The following BRINP3 variants were observed in gnomAD, a reference collection of about 807,000 sequenced individuals.
BRINP3 encodes BMP/retinoic acid-inducible neural-specific protein 3.
Under a neutral mutation model 71.0 loss-of-function variants are expected in BRINP3, and 19 were observed. That is an observed-to-expected ratio of 0.27 (90% CI 0.19 to 0.39). The LOEUF (loss-of-function observed/expected upper bound fraction) is 0.39. BRINP3 is among the 10% of genes least tolerant of loss of function. The pLI, the probability that BRINP3 is intolerant of heterozygous loss-of-function variation, is 1.00. For synonymous variants in BRINP3, 380 were observed against 337.7 expected (o/e 1.13, Z -1.37); for missense variants, 959 against 940.8 (o/e 1.02, Z -0.25).
At chr1:190,446,975 A>G (rs1675259250) in intron 2 of BRINP3, among the ~76,000 whole-genome samples, 1 of 151,960 alleles carries the variant, frequency 6.6e-6, no homozygotes, top group South Asian at 2.1e-4. Flanking sequence ...AAAGTGTATA[A>G]AATTAAATAA....
intron 2 of BRINP3, among the ~76,000 whole-genome samples, chr1:190,339,850 T>C (rs917626702): frequency 3.9e-5 from 6 of 151,956 alleles, no homozygotes; most frequent in Admixed American, 3.3e-4. Context: ...TTTATAGACA[T>C]TGTCCTGATT....
At chr1:190,119,147 CA>C (rs1473024147) in intron 7 of BRINP3, among the ~76,000 whole-genome samples, 21 of 152,170 alleles carry the variant, frequency 1.4e-4, no homozygotes, top group African/African-American at 5.1e-4. Flanking sequence ...CTTTTATTAT[CA>C]GAATTAATAT....
chr1:190,137,319 C>T (rs1209546771), intron 7 of BRINP3, among the ~76,000 whole-genome samples: 5 of 151,498 alleles, frequency 3.3e-5, no homozygotes, highest in Non-Finnish European at 5.9e-5. Flanking sequence ...AAAAGAAATA[C>T]TCTGATTGCC....
chr1:190,416,536 C>T (rs917306315), intron 2 of BRINP3, among the ~76,000 whole-genome samples: 1 of 152,128 alleles, frequency 6.6e-6, no homozygotes, highest in African/African-American at 2.4e-5. Flanking sequence ...AACATAGACT[C>T]ATTAGCATAG....
At chr1:190,287,497 T>A (rs1663525915) in intron 2 of BRINP3, among the ~76,000 whole-genome samples, 1 of 152,112 alleles carries the variant, frequency 6.6e-6, no homozygotes, top group Non-Finnish European at 1.5e-5. Flanking sequence ...AATTTTTGGA[T>A]GATGCTGGAA....
rs12096105 is a variant in BRINP3 at position 190,392,975 on chromosome 1, G to T, written c.236+61680C>A. 4.1e-3 allele frequency among the ~76,000 whole-genome samples: 623 copies of T among 151,586 alleles called. 3 individuals carry two copies. Among genetic ancestry groups the T allele is most frequent in the African/African-American group, 0.015 (605 of 41,424 alleles). ...GGCCAGACTTGAATCAAATTATTGG[G>T]GATAAAACATGTCTGAATAAAAAGC... is the stretch of plus-strand genomic sequence containing the variant. On this transcript the variant is annotated intron_variant, in intron 2 of 7. Transcript: ENST00000367462.
chr1:190,217,327 T>C (rs1352575344), intron 6 of BRINP3, among the ~76,000 whole-genome samples: 2 of 151,942 alleles, frequency 1.3e-5, no homozygotes, highest in Non-Finnish European at 2.9e-5. Flanking sequence ...ACTTCTTATA[T>C]TTTGTTTATC....
chr1:190,166,237 A>G (rs2102479785), intron 6 of BRINP3, among the ~76,000 whole-genome samples: 1 of 152,340 alleles, frequency 6.6e-6, no homozygotes, highest in East Asian at 1.9e-4. Context: ...GAGGCTACAA[A>G]GTGATGGGTA....
intron 6 of BRINP3, chr1:190,217,095 A>G (rs929592795): frequency 6.6e-6 from 1 of 151,946 alleles, no homozygotes; most frequent in Non-Finnish European, 1.5e-5. Flanking sequence ...GAATAGACAA[A>G]TTAGTATGTC....
intron 2 of BRINP3, among the ~76,000 whole-genome samples, chr1:190,330,326 GAACA>G (rs1666883550): frequency 1.3e-5 from 2 of 151,934 alleles, no homozygotes; most frequent in Non-Finnish European, 2.9e-5. Context: ...CAAAATACAT[GAACA>G]GACACCTCTT....
chr1:190,303,382 G>GGATT (rs1664869357), intron 2 of BRINP3, among the ~76,000 whole-genome samples: 1 of 151,488 alleles, frequency 6.6e-6, no homozygotes, highest in Non-Finnish European at 1.5e-5. Flanking sequence ...TAAATATATT[G>GGATT]TAATCAGAAG....
intron 3 of BRINP3, among the ~76,000 whole-genome samples, chr1:190,265,597 C>T (rs1216423205): frequency 3.3e-5 from 5 of 149,982 alleles, no homozygotes; most frequent in African/African-American, 1.2e-4. Flanking sequence ...GCCAGTAGTT[C>T]CAGCTACTCC....
chr1:190,330,373 T>C lies in BRINP3; in HGVS notation c.237-48623A>G, dbSNP rs78113865. ...GACATACAAGTGGCCAACAAATATA[T>C]GAAAAAATGTTCCACATCACTAATC... On this transcript the variant is annotated intron_variant, in intron 2 of 7. Transcript: ENST00000367462. 4.2e-3 allele frequency among the ~76,000 whole-genome samples: 636 copies of C among 151,986 alleles called. 6 individuals carry two copies. Among genetic ancestry groups the C allele is most frequent in the African/African-American group, 0.014 (597 of 41,482 alleles).
At position 190,281,553 on chromosome 1, in the gene BRINP3, G is replaced by A. The variant is rs764002709; in HGVS notation, c.427+7C>T. Reference sequence around the variant, plus strand: ...ACACAGGCACAAATAGGTTCAAAGAGCCGTACCTCCCAGAGTAGCAGATAG... The same window carrying A: ...ACACAGGCACAAATAGGTTCAAAGAACCGTACCTCCCAGAGTAGCAGATAG... On this transcript the variant is annotated splice_region_variant and intron_variant, in intron 3 of 7. Transcript: ENST00000367462. 6.2e-7 allele frequency: 1 copy of A among 1,611,162 alleles called. No homozygotes were observed.
At chr1:190,247,103 C>T (rs1659682775) in intron 4 of BRINP3, among the ~76,000 whole-genome samples, 1 of 151,504 alleles carries the variant, frequency 6.6e-6, no homozygotes, top group Admixed American at 6.6e-5. Flanking sequence ...ATACATAATC[C>T]TATTGTTATG....
At chr1:190,375,732 T>C (rs1476644453) in intron 2 of BRINP3, among the ~76,000 whole-genome samples, 1 of 152,004 alleles carries the variant, frequency 6.6e-6, no homozygotes, top group Non-Finnish European at 1.5e-5. Context: ...AAATTCAATT[T>C]TAAAATACTT....
At chr1:190,237,524 C>T (rs1658635640) in intron 4 of BRINP3, among the ~76,000 whole-genome samples, 1 of 151,942 alleles carries the variant, frequency 6.6e-6, no homozygotes, top group African/African-American at 2.4e-5. Context: ...GTAACAAATT[C>T]CCATGATGGA....
At chr1:190,338,102 C>A (rs1667411707) in intron 2 of BRINP3, among the ~76,000 whole-genome samples, 1 of 152,018 alleles carries the variant, frequency 6.6e-6, no homozygotes, top group South Asian at 2.1e-4. Context: ...GATCTGATGT[C>A]TAGGAAAAAC....
intron 3 of BRINP3, among the ~76,000 whole-genome samples, chr1:190,274,836 G>GA (rs1302104880): frequency 8.6e-5 from 13 of 150,854 alleles, no homozygotes; most frequent in Admixed American, 2.0e-4. Context: ...TACATAAGAA[G>GA]AAAAAAAACA....
Sources: allele counts gnomAD v4.1 joint callset (sites outside exome capture counted in the v4.1 genomes callset), GRCh38; gene constraint gnomAD v4.1.1; transcripts MANE v1.5; gene names NCBI Gene and HGNC (gene_info 2026-07-23, HGNC 2026-07-21).